Variants in LYRM4 observed in about 807,000 individuals in gnomAD.
The protein encoded by LYRM4 is LYR motif-containing protein 4.
In LYRM4, 9 loss-of-function variants were observed where a neutral mutation model predicts 11.7. That is an observed-to-expected ratio of 0.77 (90% CI 0.46 to 1.34). LYRM4 has a LOEUF of 1.34. Ranked by LOEUF, LYRM4 falls within the 40% of genes most tolerant of loss-of-function variation. The pLI, the probability that LYRM4 is intolerant of heterozygous loss-of-function variation, is 0.00. For synonymous variants in LYRM4, 42 were observed against 40.4 expected (o/e 1.04, Z -0.15); for missense variants, 133 against 112.5 (o/e 1.18, Z -0.82).
intron 2 of LYRM4, among the ~76,000 whole-genome samples, chr6:5,207,537 G>C (rs1761766904): frequency 6.6e-6 from 1 of 152,120 alleles, no homozygotes; most frequent in Admixed American, 6.5e-5. Context: ...TGCATAAGCA[G>C]GACTGGAGTC....
the LYRM4 span, among the ~76,000 whole-genome samples, chr6:5,040,691 A>G: frequency 1.3e-5 from 2 of 152,224 alleles, no homozygotes; most frequent in Admixed American, 1.3e-4. Context: ...GTTTAAGGTG[A>G]GGATATCCCA....
At chr6:5,177,657 C>G (rs780501633) in intron 2 of LYRM4, among the ~76,000 whole-genome samples, 6 of 152,188 alleles carry the variant, frequency 3.9e-5, no homozygotes, top group Non-Finnish European at 5.9e-5. Flanking sequence ...TGTATCCTTA[C>G]GGCACCAGGT....
the LYRM4 span, among the ~76,000 whole-genome samples, chr6:5,063,089 G>A: frequency 6.6e-6 from 1 of 152,128 alleles, no homozygotes; most frequent in African/African-American, 2.4e-5. Context: ...TTCTCAACAG[G>A]CACAAGAGGA....
At chr6:5,073,036 T>C in the LYRM4 span, among the ~76,000 whole-genome samples, 547 of 152,324 alleles carry the variant, frequency 3.6e-3, 1 homozygote, top group African/African-American at 0.013. Flanking sequence ...TAGGAAAATT[T>C]TGGAAGACCT....
At chr6:5,244,859 C>CG (rs1008474084) in intron 1 of LYRM4, among the ~76,000 whole-genome samples, 18 of 151,196 alleles carry the variant, frequency 1.2e-4, no homozygotes, top group Non-Finnish European at 2.5e-4. Context: ...ATGGCACTGA[C>CG]GGGGGTAGCT....
At chr6:5,155,191 A>G (rs1462460219) in intron 2 of LYRM4, among the ~76,000 whole-genome samples, 4 of 152,040 alleles carry the variant, frequency 2.6e-5, no homozygotes, top group Non-Finnish European at 5.9e-5. Context: ...AAGCAATTCT[A>G]CTGCTTCAGC....
chr6:5,260,532 C>T, intron 1 of LYRM4, 116 bp downstream of exon 1: 1 of 1,391,912 alleles, frequency 7.2e-7, no homozygotes, highest in Non-Finnish European at 9.7e-7. Flanking sequence ...CCTTGCCTCG[C>T]AGCCGCCGGC....
At chr6:5,197,678 AAAAT>A (rs1458662887) in intron 2 of LYRM4, among the ~76,000 whole-genome samples, 1 of 152,246 alleles carries the variant, frequency 6.6e-6, no homozygotes, top group South Asian at 2.1e-4. Context: ...TGCCTCAAAA[AAAAT>A]AAATAAATAA....
chr6:5,166,564 T>C (rs913674107), intron 2 of LYRM4, among the ~76,000 whole-genome samples: 1 of 152,072 alleles, frequency 6.6e-6, no homozygotes, highest in Admixed American at 6.5e-5. Context: ...GGTCCAAGAG[T>C]AGAAGAGAGA....
intron 2 of LYRM4, among the ~76,000 whole-genome samples, chr6:5,121,264 A>G: frequency 6.6e-6 from 1 of 152,210 alleles, no homozygotes; most frequent in East Asian, 1.9e-4. Context: ...TTCCTATAGG[A>G]TGCTATCGCC....
At chr6:5,068,574 G>A in the LYRM4 span, among the ~76,000 whole-genome samples, 13 of 152,202 alleles carry the variant, frequency 8.5e-5, no homozygotes, top group South Asian at 2.1e-3. The surrounding 1 kb of genome is among the most constrained non-coding windows in gnomAD (Gnocchi z 4.0). Flanking sequence ...CTTCCACGCC[G>A]CAGCCCTTCC....
chr6:5,181,145 A>G (rs1760047965), intron 2 of LYRM4, among the ~76,000 whole-genome samples: 1 of 152,224 alleles, frequency 6.6e-6, no homozygotes, highest in Non-Finnish European at 1.5e-5. Context: ...CACAATTACA[A>G]GGTTTTCGTT....
At chr6:5,081,645 G>C in the LYRM4 span, among the ~76,000 whole-genome samples, 1 of 152,168 alleles carries the variant, frequency 6.6e-6, no homozygotes, top group African/African-American at 2.4e-5. Flanking sequence ...TTTGGTCTTT[G>C]TCCTTGGTTC....
At chr6:5,139,906 C>T (rs553800535) in intron 2 of LYRM4, among the ~76,000 whole-genome samples, 4 of 148,450 alleles carry the variant, frequency 2.7e-5, no homozygotes, top group East Asian at 4.2e-4. Flanking sequence ...GGTGTGATCA[C>T]GGCTCACTGC....
Position 5,260,716 on chromosome 6 carries a change from G to A in LYRM4, c.18C>T (p.Arg6=), listed in dbSNP as rs1466858063. ...CCCGGTACAGAGATAACACTTGTGC[G>A]CGACTGGAGGCTGCCATTTTGGAAA... MAASS[R]AQVLSLYRAM... The change falls in exon 1 of 3, where the codon CGC becomes CGT. Residue 6 remains arginine, a synonymous_variant. Transcript: ENST00000330636. 1 of 1,551,644 alleles carries A rather than the reference G, an allele frequency of 6.4e-7. No individual in the cohort carries two copies. Among genetic ancestry groups the A allele is most frequent in the East Asian group, 2.4e-5 (1 of 41,788 alleles).
intron 1 of LYRM4, among the ~76,000 whole-genome samples, chr6:5,241,062 T>C (rs774050437): frequency 2.8e-4 from 42 of 152,356 alleles, no homozygotes; most frequent in Non-Finnish European, 3.7e-4. Flanking sequence ...TTCTATGAAC[T>C]GCAGCTTTCT....
chr6:5,118,593 G>A (rs1022917506), intron 2 of LYRM4, among the ~76,000 whole-genome samples: 3 of 152,082 alleles, frequency 2.0e-5, no homozygotes, highest in Non-Finnish European at 4.4e-5. Flanking sequence ...AATTGTCCCT[G>A]GTGAGATCCC....
chr6:5,170,561 C>T (rs544859660), intron 2 of LYRM4, among the ~76,000 whole-genome samples: 23 of 152,218 alleles, frequency 1.5e-4, no homozygotes, highest in Non-Finnish European at 2.6e-4. Context: ...AGTGCAGTGG[C>T]GCGATCTCGG....
chr6:5,259,518 CTAAAAAT>C (rs1470937724), intron 1 of LYRM4, among the ~76,000 whole-genome samples: 2 of 152,184 alleles, frequency 1.3e-5, no homozygotes, highest in Non-Finnish European at 2.9e-5. Context: ...AGGCGGGTTT[CTAAAAAT>C]TTGAGAGTCA....
Sources: gnomAD v4.1 joint callset for allele counts (sites outside exome capture counted in the v4.1 genomes callset) on GRCh38, gnomAD v4.1.1 for gene constraint, Gnocchi (gnomAD v3.1) non-coding constraint, MANE v1.5 for transcripts, NCBI Gene and HGNC (gene_info 2026-07-23, HGNC 2026-07-21) for gene names.